LIMCH1: variants seen among roughly 807,000 people sequenced by gnomAD.
LIMCH1 encodes the protein LIM and calponin homology domains 1, also known as LIM and calponin homology domains-containing protein 1.
In LIMCH1, 113 loss-of-function variants were observed where a neutral mutation model predicts 176.5. That is an observed-to-expected ratio of 0.64 (90% CI 0.55 to 0.75). LIMCH1 has a LOEUF of 0.75. LIMCH1 is among the 30% of genes least tolerant of loss of function. The pLI is 0.00. For missense variants in LIMCH1, 1,674 were observed against 1,814.9 expected (o/e 0.92, Z 1.41); for synonymous variants, 619 against 645.9 (o/e 0.96, Z 0.63).
intron 1 of LIMCH1, among the ~76,000 whole-genome samples, chr4:41,445,051 G>T (rs1026433101): frequency 6.8e-6 from 1 of 147,572 alleles, no homozygotes; most frequent in South Asian, 2.2e-4. Flanking sequence ...AGACACCCAG[G>T]CTGGAGTGCA....
At chr4:41,647,514 T>C (rs1374036852) in intron 17 of LIMCH1, among the ~76,000 whole-genome samples, 5 of 152,212 alleles carry the variant, frequency 3.3e-5, no homozygotes, top group Admixed American at 3.3e-4. Flanking sequence ...ACTGAAGAAC[T>C]TGTGGAAACC....
chr4:41,537,090 A>T (rs2078028560), upstream of LIMCH1, among the ~76,000 whole-genome samples: 4 of 152,250 alleles, frequency 2.6e-5, no homozygotes. Context: ...GCATAATGCA[A>T]GGAAACTATG....
intron 27 of LIMCH1, among the ~76,000 whole-genome samples, chr4:41,684,961 C>A (rs772017060): frequency 6.6e-6 from 1 of 152,152 alleles, no homozygotes; most frequent in East Asian, 1.9e-4. Flanking sequence ...GTGTCTCCCA[C>A]GCTCCTGGCT....
At chr4:41,614,902 AT>A (rs1201734163) in intron 5 of LIMCH1, among the ~76,000 whole-genome samples, 5 of 152,162 alleles carry the variant, frequency 3.3e-5, no homozygotes, top group Non-Finnish European at 7.3e-5. Context: ...ATTTACCCAC[AT>A]TTCTTTCTCT....
At chr4:41,448,512 G>A (rs770166549) in intron 1 of LIMCH1, among the ~76,000 whole-genome samples, 15 of 151,704 alleles carry the variant, frequency 9.9e-5, no homozygotes, top group Non-Finnish European at 1.6e-4. Flanking sequence ...GTATGTCAGT[G>A]CGTAAGGAAG....
intron 22 of LIMCH1, among the ~76,000 whole-genome samples, chr4:41,675,389 G>A (rs891944233): frequency 6.6e-6 from 1 of 152,086 alleles, no homozygotes. Flanking sequence ...GGCTACCAGG[G>A]TACATAGATT....
chr4:41,692,014 T>C (rs560247159), intron 30 of LIMCH1, among the ~76,000 whole-genome samples: 4 of 152,300 alleles, frequency 2.6e-5, no homozygotes, highest in South Asian at 2.1e-4. Context: ...CTACCACTTA[T>C]CAGCTCCACA....
chr4:41,670,616 A>C, intron 21 of LIMCH1: 1 of 749,208 alleles, frequency 1.3e-6, no homozygotes, highest in Non-Finnish European at 2.1e-6. Flanking sequence ...TCTGGTATTG[A>C]CTAGAGCCAA....
chr4:41,539,619 C>T (rs1171559127), intron 1 of LIMCH1, among the ~76,000 whole-genome samples: 1 of 152,184 alleles, frequency 6.6e-6, no homozygotes. Context: ...TTCCTAACAC[C>T]GTTGTATTCA....
intron 2 of LIMCH1, among the ~76,000 whole-genome samples, chr4:41,522,131 A>G (rs976473276): frequency 6.6e-6 from 1 of 152,128 alleles, no homozygotes; most frequent in African/African-American, 2.4e-5. Context: ...TCTGGTAGCA[A>G]TGGTATTTCA....
intron 1 of LIMCH1, among the ~76,000 whole-genome samples, chr4:41,437,896 A>G (rs910649330): frequency 6.6e-6 from 1 of 152,210 alleles, no homozygotes; most frequent in Admixed American, 6.5e-5. Context: ...TGCTTTCACA[A>G]TGGCCCAAAG....
At position 41,633,008 on chromosome 4, in the gene LIMCH1, A is replaced by G. The variant is rs1393693548; in HGVS notation, c.1752A>G (p.Lys584=). ...VTSKQLPQDG[K]EETESAPRDS... Reference sequence around the variant, plus strand: ...CCAAACAGCTGCCACAGGATGGCAAAGAAGAAACAGAAAGCGCTCCAAGAG... The same window carrying G: ...CCAAACAGCTGCCACAGGATGGCAAGGAAGAAACAGAAAGCGCTCCAAGAG... Residue 584 remains lysine (K), a synonymous_variant, in exon 12 of 32, where the codon AAA becomes AAG. Coordinates refer to ENST00000503057, the MANE Select transcript of LIMCH1 (RefSeq NM_001330672.2). The G allele has an allele frequency of 6.5e-7, 1 of 1,536,020 alleles. No individual in the cohort carries two copies. Among genetic ancestry groups the G allele is most frequent in the Non-Finnish European group, 8.7e-7 (1 of 1,146,908 alleles).
At chr4:41,419,179 TTTAATTTTA>T (rs202243833) in intron 1 of LIMCH1, among the ~76,000 whole-genome samples, 7,461 of 94,534 alleles carry the variant, frequency 0.079, 549 homozygotes, top group African/African-American at 0.25. Flanking sequence ...TTTTATTTTA[TTTAATTTTA>T]TTATTTTGAG....
chr4:41,381,704 C>T (rs139357202), intron 1 of LIMCH1, among the ~76,000 whole-genome samples: 6 of 152,148 alleles, frequency 3.9e-5, no homozygotes, highest in Admixed American at 2.6e-4. Flanking sequence ...CCTCTGTCAT[C>T]GCTGTGACAA....
chr4:41,496,297 G>A (rs2072121815), intron 2 of LIMCH1, among the ~76,000 whole-genome samples: 6 of 152,174 alleles, frequency 3.9e-5, no homozygotes, highest in South Asian at 2.1e-4. Context: ...CTAATCACAG[G>A]GGATTAGACC....
At chr4:41,610,882 A>T (rs1372927044) in intron 4 of LIMCH1, among the ~76,000 whole-genome samples, 1 of 152,248 alleles carries the variant, frequency 6.6e-6, no homozygotes, top group Non-Finnish European at 1.5e-5. Context: ...GTCCTAGAAA[A>T]TTAAAATTCA....
chr4:41,547,861 G>GTATATATATATATATA (rs746652816), intron 1 of LIMCH1, among the ~76,000 whole-genome samples: 1 of 84,962 alleles, frequency 1.2e-5, no homozygotes, highest in Non-Finnish European at 2.4e-5. Flanking sequence ...ATTTGTGTGT[G>GTATATATATATATATA]TGTATATATA....
chr4:41,393,353 A>G (rs79160607), intron 1 of LIMCH1, among the ~76,000 whole-genome samples: 5,287 of 152,204 alleles, frequency 0.035, 115 homozygotes, highest in Middle Eastern at 0.065. Context: ...GTAAATTATG[A>G]TGGTTCTACT....
At chr4:41,589,901 T>G (rs2087188462) in intron 1 of LIMCH1, among the ~76,000 whole-genome samples, 1 of 152,092 alleles carries the variant, frequency 6.6e-6, no homozygotes, top group Non-Finnish European at 1.5e-5. Context: ...TTATTTCCCT[T>G]CCTCACAGAT....
Sources: allele counts gnomAD v4.1 joint callset (sites outside exome capture counted in the v4.1 genomes callset), GRCh38; gene constraint gnomAD v4.1.1; transcripts MANE v1.5; gene names NCBI Gene and HGNC (gene_info 2026-07-23, HGNC 2026-07-21).